Variants in PARP4 observed in about 807,000 individuals in gnomAD.
The protein encoded by PARP4 is poly(ADP-ribose) polymerase family member 4, also known as protein mono-ADP-ribosyltransferase PARP4.
Under a neutral mutation model 187.7 loss-of-function variants are expected in PARP4, and 120 were observed. The ratio of observed to expected loss-of-function variants is 0.64; its 90% CI spans 0.55 to 0.74. PARP4 has a LOEUF of 0.74. Ranked by LOEUF, PARP4 falls within the 30% of genes least tolerant of loss-of-function variation. PARP4 has a pLI of 0.00. For missense variants in PARP4, 1,836 were observed against 2,070.5 expected (o/e 0.89, Z 2.20); for synonymous variants, 654 against 740.9 (o/e 0.88, Z 1.90).
rs750855943 is a variant in PARP4 at position 24,435,119 on chromosome 13, A to G, written c.4022T>C (p.Phe1341Ser). ...ARAHSPASLS[F>S]ASYRQVASFG... ...ACTAGCTACCTGACGATATGAGGCA[A>G]AAGACAAGGAAGCAGGACTGTGAGC... The change falls in exon 31 of 34, where the codon TTT becomes TCT. Residue 1341 changes from phenylalanine to serine, a missense_variant. Physicochemically the swap from Phe to Ser is radical, Grantham distance 155 (BLOSUM62 -2). Coordinates refer to ENST00000381989, the MANE Select transcript of PARP4 (RefSeq NM_006437.4). 1 of 1,614,098 alleles carries G rather than the reference A, an allele frequency of 6.2e-7. No individual in the cohort carries two copies. The highest frequency in any genetic ancestry group is 1.3e-5 in the African/African-American group (1 of 74,928).
intron 18 of PARP4, 46 bp downstream of exon 18, chr13:24,459,926 C>G (rs780335205): frequency 1.9e-6 from 3 of 1,560,086 alleles, no homozygotes; most frequent in African/African-American, 2.7e-5. Flanking sequence ...CACCACTCCC[C>G]CTCCACTGCT....
intron 1 of PARP4, among the ~76,000 whole-genome samples, chr13:24,510,377 A>C (rs1003791842): frequency 3.3e-5 from 5 of 151,632 alleles, no homozygotes; most frequent in Non-Finnish European, 7.4e-5. Context: ...AAACGGTGAA[A>C]CCCCGTCTCT....
intron 1 of PARP4, among the ~76,000 whole-genome samples, chr13:24,508,329 T>C (rs1869822053): frequency 1.3e-5 from 2 of 152,230 alleles, no homozygotes; most frequent in African/African-American, 4.8e-5. Context: ...GTCCTGGATG[T>C]GTTAAATCCT....
rs143555559 is a variant in PARP4 at position 24,486,949 on chromosome 13, G to A, written c.1215-644C>T. Among the ~76,000 whole-genome samples, 5 of 150,978 alleles carry A rather than the reference G, an allele frequency of 3.3e-5. No individual in the cohort carries two copies. The East Asian group carries it at 5.9e-4, about 18-fold the overall frequency. ...TGCACTCCAGACTGGGCGACAGAAC[G>A]AGACTCTGTCTCAAAGAAAAGAAAG... On this transcript the variant is annotated intron_variant, in intron 10 of 33. Transcript: ENST00000381989.
intron 30 of PARP4, among the ~76,000 whole-genome samples, chr13:24,437,883 G>A (rs931530375): frequency 3.4e-5 from 5 of 146,132 alleles, no homozygotes; most frequent in African/African-American, 1.3e-4. Flanking sequence ...AGAAATACGG[G>A]TCATTTTTGT....
chr13:24,438,683 GCA>G (rs1870756424), intron 30 of PARP4, among the ~76,000 whole-genome samples: 1 of 152,224 alleles, frequency 6.6e-6, no homozygotes, highest in Admixed American at 6.5e-5. Flanking sequence ...GAGGACAAGA[GCA>G]CACAGCACTG....
chr13:24,493,462 C>T (rs763648633), intron 8 of PARP4, 134 bp downstream of exon 8: 81 of 781,096 alleles, frequency 1.0e-4, no homozygotes, highest in Non-Finnish European at 1.2e-4. Context: ...TCTTCAGTAC[C>T]GGTACAAGGA....
chr13:24,492,534 C>A lies in PARP4; in HGVS notation c.940G>T (p.Ala314Ser), dbSNP rs1482832520. ...GTCATCATCTTTTGCAATTGCTCTG[C>A]TGTTTCTCCATTTTTCAGTGCTGCC... is the stretch of plus-strand genomic sequence containing the variant. Reference protein sequence around the residue: ...VKAALKNGETAEQLQKMMTEF... With the variant: ...VKAALKNGETSEQLQKMMTEF... Residue 314 changes from alanine to serine, a missense_variant, in exon 9 of 34, where the codon GCA becomes TCA. Physicochemically the swap from Ala to Ser is moderately conservative, Grantham distance 99. This residue lies in a region of PARP4 where 1,147 missense variants were observed against 1,214.2 expected (regional missense o/e 0.94). Transcript: ENST00000381989. 1.2e-6 allele frequency: 2 copies of A among 1,614,056 alleles called. No individual in the cohort carries two copies. Among genetic ancestry groups the A allele is most frequent in the Non-Finnish European group, 1.7e-6 (2 of 1,179,910 alleles).
In PARP4 at chr13:24,435,128, G is replaced by A. The variant is rs1024363974; in HGVS notation, c.4013C>T (p.Ser1338Phe). 1 of 1,614,100 alleles carries A rather than the reference G, an allele frequency of 6.2e-7. No individual in the cohort carries two copies. The highest frequency in any genetic ancestry group is 1.3e-5 in the African/African-American group (1 of 74,924). The change falls in exon 31 of 34, where the codon TCC becomes TTC. Residue 1338 changes from serine to phenylalanine, a missense_variant. By Grantham distance (155) the Ser-to-Phe change is radical (BLOSUM62 -2). Around this residue, in one of 8 missense-constraint regions of PARP4, gnomAD observed 450 missense variants for 439.2 expected, o/e 1.02. Coordinates refer to ENST00000381989, the MANE Select transcript of PARP4 (RefSeq NM_006437.4). ...CTGACGATATGAGGCAAAAGACAAG[G>A]AAGCAGGACTGTGAGCGCGGGCAGT... is the stretch of plus-strand genomic sequence containing the variant. ...PPTARAHSPASLSFASYRQVA... is the reference protein window; with the variant it reads ...PPTARAHSPAFLSFASYRQVA...
intron 17 of PARP4, among the ~76,000 whole-genome samples, chr13:24,466,379 A>C (rs1872472870): frequency 6.6e-6 from 1 of 151,978 alleles, no homozygotes; most frequent in South Asian, 2.1e-4. Context: ...CTGGGGTTTC[A>C]CCATGTTGCC....
At chr13:24,430,864 A>G (rs1385103848) in intron 32 of PARP4, among the ~76,000 whole-genome samples, 2 of 152,234 alleles carry the variant, frequency 1.3e-5, no homozygotes, top group Non-Finnish European at 2.9e-5. Flanking sequence ...GCTTAACAGT[A>G]CATTTCTCAG....
intron 21 of PARP4, among the ~76,000 whole-genome samples, chr13:24,456,043 A>C (rs907538645): frequency 6.6e-6 from 1 of 152,222 alleles, no homozygotes; most frequent in African/African-American, 2.4e-5. Flanking sequence ...TTTTAAAACT[A>C]TAACAAGTTA....
intron 23 of PARP4, among the ~76,000 whole-genome samples, chr13:24,453,098 C>G (rs1425052670): frequency 6.6e-6 from 1 of 152,028 alleles, no homozygotes; most frequent in East Asian, 1.9e-4. Flanking sequence ...CTACGCCTGG[C>G]TAATTTTTTG....
chr13:24,425,845 C>T (rs1593581377), intron 33 of PARP4, among the ~76,000 whole-genome samples: 1 of 151,852 alleles, frequency 6.6e-6, no homozygotes, highest in South Asian at 2.1e-4. Context: ...TGTGAGGGGG[C>T]ACTGGCATGG....
intron 19 of PARP4, 52 bp downstream of exon 19, chr13:24,459,212 C>T (rs1286690889): frequency 1.3e-6 from 2 of 1,587,850 alleles, no homozygotes. Flanking sequence ...GAAATTTAAA[C>T]CAGAAAACCA....
intron 1 of PARP4, among the ~76,000 whole-genome samples, chr13:24,511,622 T>C (rs1480266836): frequency 6.6e-6 from 1 of 152,240 alleles, no homozygotes; most frequent in Non-Finnish European, 1.5e-5. Context: ...TCTTTACCAC[T>C]GGCATTTCCT....
intron 15 of PARP4, among the ~76,000 whole-genome samples, chr13:24,474,879 C>T (rs1872906213): frequency 6.6e-6 from 1 of 152,178 alleles, no homozygotes; most frequent in African/African-American, 2.4e-5. Context: ...AGCCCCTCAC[C>T]TCTCTGACTC....
intron 32 of PARP4, 73 bp downstream of exon 32, chr13:24,431,304 T>C: frequency 1.2e-6 from 1 of 819,466 alleles, no homozygotes; most frequent in South Asian, 1.6e-5. Flanking sequence ...TACAAAACAG[T>C]TTACAACAAT....
intron 12 of PARP4, among the ~76,000 whole-genome samples, chr13:24,483,196 GT>G (rs960582871): frequency 2.0e-5 from 3 of 151,578 alleles, no homozygotes; most frequent in Non-Finnish European, 4.4e-5. Flanking sequence ...ATTTTAAAAA[GT>G]TTTTTTTGGC....
Sources: allele counts gnomAD v4.1 joint callset (sites outside exome capture counted in the v4.1 genomes callset), GRCh38; gene constraint gnomAD v4.1.1; regional missense constraint gnomAD v4.1.1; transcripts MANE v1.5; gene names NCBI Gene and HGNC (gene_info 2026-07-23, HGNC 2026-07-21).